UFD1: variants seen among roughly 807,000 people sequenced by gnomAD.
The protein encoded by UFD1 is ubiquitin recognition factor in ER-associated degradation protein 1.
UFD1 carries 13 observed loss-of-function variants against 45.9 expected under a neutral mutation model. That is an observed-to-expected ratio of 0.28 (90% confidence interval 0.18 to 0.45). UFD1 has a LOEUF of 0.45. Ranked by LOEUF, UFD1 falls within the 20% of genes least tolerant of loss-of-function variation. The pLI is 1.00. For synonymous variants in UFD1, 128 were observed against 139.2 expected, an observed-to-expected ratio of 0.92 and a Z score of 0.56; for missense variants, 218 against 389.2, an observed-to-expected ratio of 0.56 and a Z score of 3.70.
At chr22:19,457,925 T>C in intron 7 of UFD1, 146 bp downstream of exon 7, 1 of 782,698 alleles carries the variant, frequency 1.3e-6, no homozygotes, top group Non-Finnish European at 2.1e-6. Context: ...CACAGTCTCC[T>C]CATGATGTTC....
At chr22:19,477,108 T>C (rs1413411019) in intron 1 of UFD1, among the ~76,000 whole-genome samples, 1 of 152,088 alleles carries the variant, frequency 6.6e-6, no homozygotes, top group African/African-American at 2.4e-5. Flanking sequence ...ATAAAAGTTA[T>C]GTGAATGTGG....
intron 3 of UFD1, among the ~76,000 whole-genome samples, chr22:19,473,282 T>G (rs543601679): frequency 1.1e-4 from 16 of 152,308 alleles, no homozygotes; most frequent in Admixed American, 6.5e-4. Context: ...ACTTAGAGGC[T>G]CCCAGTGCCC....
chr22:19,453,034 CTAT>C, intron 11 of UFD1: 1 of 984,500 alleles, frequency 1.0e-6, no homozygotes, highest in Non-Finnish European at 1.2e-6. Context: ...CACAAATCCT[CTAT>C]TATTTAGATG....
intron 6 of UFD1, among the ~76,000 whole-genome samples, chr22:19,462,475 G>A (rs1206455125): frequency 1.3e-5 from 2 of 152,072 alleles, no homozygotes; most frequent in African/African-American, 4.8e-5. Context: ...AGACCAGCCT[G>A]GCCAACATGG....
At chr22:19,476,857 A>C (rs2089885561) in intron 1 of UFD1, among the ~76,000 whole-genome samples, 1 of 151,782 alleles carries the variant, frequency 6.6e-6, no homozygotes, top group Non-Finnish European at 1.5e-5. Flanking sequence ...AAATACAAAA[A>C]TTAGCCGGGC....
At chr22:19,471,347 A>T (rs370119003) in intron 4 of UFD1, 1 of 573,880 alleles carries the variant, frequency 1.7e-6, no homozygotes, top group African/African-American at 1.8e-5. Flanking sequence ...TAAAAACCTC[A>T]AACACCCTAC....
chr22:19,477,238 A>C (rs1412428102), intron 1 of UFD1, among the ~76,000 whole-genome samples: 1 of 152,162 alleles, frequency 6.6e-6, no homozygotes, highest in Non-Finnish European at 1.5e-5. Context: ...ATTTTTGTAC[A>C]CCCCGTATTC....
At chr22:19,461,575 A>G (rs2089766675) in intron 6 of UFD1, among the ~76,000 whole-genome samples, 1 of 152,244 alleles carries the variant, frequency 6.6e-6, no homozygotes, top group African/African-American at 2.4e-5. Context: ...GTATCAAGTG[A>G]CAATGATCTG....
chr22:19,464,193 G>A (rs778926514), intron 6 of UFD1, among the ~76,000 whole-genome samples: 4 of 152,338 alleles, frequency 2.6e-5, no homozygotes, highest in Middle Eastern at 3.4e-3. Context: ...TGACACCAAG[G>A]GAGTAACTGG....
At chr22:19,455,954 C>T (rs2089719750) in intron 9 of UFD1, among the ~76,000 whole-genome samples, 186 bp from the exon 10 acceptor site, 1 of 152,174 alleles carries the variant, frequency 6.6e-6, no homozygotes, top group Admixed American at 6.5e-5. Context: ...CAGGGGGTGG[C>T]CATGAGCTGA....
At chr22:19,469,345 A>AT (rs2089827371) in intron 4 of UFD1, among the ~76,000 whole-genome samples, 1 of 152,024 alleles carries the variant, frequency 6.6e-6, no homozygotes, top group Admixed American at 6.6e-5. Context: ...CTGGCCAGGG[A>AT]TGGGGGGTGG....
intron 7 of UFD1, among the ~76,000 whole-genome samples, chr22:19,457,431 A>G (rs1049584356): frequency 6.6e-6 from 1 of 152,192 alleles, no homozygotes; most frequent in Non-Finnish European, 1.5e-5. Flanking sequence ...GCTCAGCAGT[A>G]TTCCCTAGTA....
chr22:19,454,617 C>T lies in UFD1; in HGVS notation c.849+132G>A, dbSNP rs776003985. 10 of 1,536,318 alleles carry T rather than the reference C, an allele frequency of 6.5e-6. No homozygotes were observed. The East Asian group carries it at 7.2e-5, about 11-fold the overall frequency. On this transcript the variant is annotated intron_variant, in intron 11 of 11. Transcript: ENST00000263202. ...CTTTCTTTTGTAAATTGCCCAGTCTCGGGTACATCTTTACCAGCAGCTTGG... is the reference window on the plus strand; with the variant it reads ...CTTTCTTTTGTAAATTGCCCAGTCTTGGGTACATCTTTACCAGCAGCTTGG...
At chr22:19,475,726 T>A in intron 1 of UFD1, 124 bp from the exon 2 acceptor site, 1 of 1,189,236 alleles carries the variant, frequency 8.4e-7, no homozygotes, top group Non-Finnish European at 1.2e-6. Flanking sequence ...ACTGAAATCT[T>A]CAATGTAATC....
chr22:19,453,372 G>C (rs2146285971), intron 11 of UFD1: 3 of 985,418 alleles, frequency 3.0e-6, no homozygotes, highest in Non-Finnish European at 3.6e-6. Context: ...GGATGGAATA[G>C]AGCTAAATAT....
chr22:19,457,936 T>G (rs1232098493), intron 7 of UFD1, 135 bp downstream of exon 7: 2 of 853,776 alleles, frequency 2.3e-6, no homozygotes, highest in African/African-American at 3.3e-5. Context: ...CATGATGTTC[T>G]GACAGCATCT....
At chr22:19,456,129 C>T (rs1318307255) in intron 9 of UFD1, among the ~76,000 whole-genome samples, 1 of 152,234 alleles carries the variant, frequency 6.6e-6, no homozygotes, top group Non-Finnish European at 1.5e-5. Flanking sequence ...CTGCTGCTTC[C>T]TGGCACCTCC....
At chr22:19,464,879 C>A (rs1392947192) in intron 6 of UFD1, among the ~76,000 whole-genome samples, 2 of 152,244 alleles carry the variant, frequency 1.3e-5, no homozygotes, top group African/African-American at 4.8e-5. Flanking sequence ...CACAGCCCTG[C>A]AAAGGGCTTA....
At chr22:19,453,699 G>A in intron 11 of UFD1, 4 of 985,500 alleles carry the variant, frequency 4.1e-6, no homozygotes, top group Non-Finnish European at 4.8e-6. Context: ...TGAACATTGA[G>A]CCCAGAAGTG....
Sources: gnomAD v4.1 joint callset for allele counts (sites outside exome capture counted in the v4.1 genomes callset) on GRCh38, gnomAD v4.1.1 for gene constraint, MANE v1.5 for transcripts, NCBI Gene and HGNC (gene_info 2026-07-23, HGNC 2026-07-21) for gene names.